The following MLLT1 variants were observed in gnomAD, a reference collection of about 807,000 sequenced individuals.
The protein encoded by MLLT1 is protein ENL.
In MLLT1, 11 loss-of-function variants were observed where a neutral mutation model predicts 55.1. The observed-to-expected ratio is 0.20, with a 90% CI of 0.13 to 0.33. MLLT1 has a LOEUF of 0.33. Ranked by LOEUF, MLLT1 falls within the 10% of genes least tolerant of loss-of-function variation. The pLI is 1.00. For missense variants in MLLT1, 536 were observed against 760.6 expected (o/e 0.70, Z 3.47); for synonymous variants, 323 against 320.1 (o/e 1.01, Z -0.10).
intron 1 of MLLT1, among the ~76,000 whole-genome samples, chr19:6,272,009 C>T (rs2091398919): frequency 6.6e-6 from 1 of 152,262 alleles, no homozygotes; most frequent in African/African-American, 2.4e-5. Context: ...CGGCTTCCCT[C>T]CCTCTCCGTC....
chr19:6,254,032 G>A (rs1474700166), intron 3 of MLLT1, among the ~76,000 whole-genome samples: 4 of 152,174 alleles, frequency 2.6e-5, no homozygotes, highest in Non-Finnish European at 5.9e-5. Flanking sequence ...TTCATGAGGT[G>A]TCTGCTGACT....
Position 6,262,185 on chromosome 19 carries a change from C to T in MLLT1, c.276+43G>A, listed in dbSNP as rs567652405. On this transcript the variant is annotated intron_variant, in intron 3 of 11. Transcript: ENST00000252674. The surrounding 1 kb of genome is among the most constrained non-coding windows in gnomAD (Gnocchi z 4.4). ...CTGCCGTGGCACCCGGAGCAGGGGTCCCCACAGAGAGGCATCCTGCTTGCT... is the reference window on the plus strand; with the variant it reads ...CTGCCGTGGCACCCGGAGCAGGGGTTCCCACAGAGAGGCATCCTGCTTGCT... The T allele has an allele frequency of 6.6e-7, 1 of 1,526,048 alleles. No individual in the cohort carries two copies. The highest frequency in any genetic ancestry group is 9.1e-7 in the Non-Finnish European group (1 of 1,100,610). 94.5% of individuals were successfully genotyped at this position (1,526,048 alleles called of 1,614,324 possible).
intron 3 of MLLT1, among the ~76,000 whole-genome samples, chr19:6,234,294 C>A (rs1033468935): frequency 6.6e-6 from 1 of 152,242 alleles, no homozygotes; most frequent in African/African-American, 2.4e-5. Flanking sequence ...CTTGGCCGCC[C>A]CTGCGGAGGG....
At chr19:6,233,642 A>C (rs2091033058) in intron 3 of MLLT1, among the ~76,000 whole-genome samples, 1 of 152,212 alleles carries the variant, frequency 6.6e-6, no homozygotes. Context: ...AAAACGCGAG[A>C]GGTGGTGCCT....
At position 6,220,385 on chromosome 19, in the gene MLLT1, A is replaced by T. The variant is rs913338506; in HGVS notation, c.1110+1736T>A. On this transcript the variant is annotated intron_variant, in intron 6 of 11. Transcript: ENST00000252674. ...CACAGACCTCGGGGCGCTAAGCCGC[A>T]TTGCTCAAAAGCCTCTCAGCACGCG... 8.5e-5 allele frequency among the ~76,000 whole-genome samples: 13 copies of T among 152,328 alleles called. 2 individuals carry two copies. The highest frequency in any genetic ancestry group is 1.9e-4 in the East Asian group (1 of 5,186).
intron 10 of MLLT1, 28 bp downstream of exon 10, chr19:6,213,698 C>T: frequency 6.9e-7 from 1 of 1,447,776 alleles, no homozygotes; most frequent in South Asian, 1.1e-5. Flanking sequence ...TCCGTAGCCT[C>T]CCCGCCTTGT....
At chr19:6,260,075 G>T (rs914159736) in intron 3 of MLLT1, among the ~76,000 whole-genome samples, 2 of 152,144 alleles carry the variant, frequency 1.3e-5, no homozygotes, top group Non-Finnish European at 2.9e-5. Context: ...GAGCTCTAGA[G>T]GAACATGGGG....
At chr19:6,250,225 C>T (rs2091201464) in intron 3 of MLLT1, among the ~76,000 whole-genome samples, 1 of 152,164 alleles carries the variant, frequency 6.6e-6, no homozygotes, top group African/African-American at 2.4e-5. Flanking sequence ...TTCACACCCA[C>T]AGGGATGGCT....
At chr19:6,247,165 A>T (rs2091176224) in intron 3 of MLLT1, among the ~76,000 whole-genome samples, 1 of 152,118 alleles carries the variant, frequency 6.6e-6, no homozygotes, top group Non-Finnish European at 1.5e-5. Flanking sequence ...ACACAGATAG[A>T]TACAGAACTA....
chr19:6,233,626 C>G (rs1053936404), intron 3 of MLLT1, among the ~76,000 whole-genome samples: 8 of 152,218 alleles, frequency 5.3e-5, no homozygotes, highest in African/African-American at 1.9e-4. Context: ...CTCTCTTTGT[C>G]CTGCCAAAAC....
At chr19:6,250,706 T>C (rs1329432124) in intron 3 of MLLT1, among the ~76,000 whole-genome samples, 1 of 152,154 alleles carries the variant, frequency 6.6e-6, no homozygotes. Context: ...GTTGGTTGAA[T>C]TCATGGATAC....
chr19:6,265,813 T>C (rs2091344489), intron 2 of MLLT1, among the ~76,000 whole-genome samples: 1 of 151,610 alleles, frequency 6.6e-6, no homozygotes, highest in Admixed American at 6.6e-5. Context: ...ACCCTGTCTC[T>C]ACTAAAAATA....
At chr19:6,251,537 G>A (rs1243208910) in intron 3 of MLLT1, among the ~76,000 whole-genome samples, 1 of 152,196 alleles carries the variant, frequency 6.6e-6, no homozygotes, top group African/African-American at 2.4e-5. Flanking sequence ...CTACAAAAAA[G>A]AAAGGAACAG....
At chr19:6,252,067 C>T (rs1470808782) in intron 3 of MLLT1, among the ~76,000 whole-genome samples, 1 of 152,210 alleles carries the variant, frequency 6.6e-6, no homozygotes, top group African/African-American at 2.4e-5. Flanking sequence ...GGAGGGAAGA[C>T]TCGCCCTCAG....
rs770746045 is a variant in MLLT1, at chr19:6,222,281, C to G, written c.950G>C (p.Arg317Pro). Residue 317 changes from arginine (R) to proline (P), a missense_variant, in exon 6 of 12, where the codon CGC becomes CCC. Around this residue, in one of 3 missense-constraint regions of MLLT1, gnomAD observed 449 missense variants for 489.0 expected, o/e 0.92. Transcript: ENST00000252674. This position sits in a 1 kb window ranked among gnomAD's most constrained non-coding sequence, Gnocchi z 4.1. ...GSRSAPGTSPRTSSSSSFSDK... is the reference protein window; with the variant it reads ...GSRSAPGTSPPTSSSSSFSDK... ...CGAGAAGGAGGAGGAGGAGGAGGTG[C>G]GGGGCGAGGTGCCTGGAGCACTCCG... The G allele has an allele frequency of 8.7e-6, 14 of 1,610,216 alleles. No individual in the cohort carries two copies. Among genetic ancestry groups the G allele is most frequent in the Non-Finnish European group, 1.2e-5 (14 of 1,178,678 alleles).
intron 1 of MLLT1, among the ~76,000 whole-genome samples, chr19:6,272,563 G>A (rs370225054): frequency 1.3e-5 from 2 of 152,192 alleles, no homozygotes; most frequent in African/African-American, 2.4e-5. Flanking sequence ...ACAGCTCCAC[G>A]GGAGCCCCTT....
rs1220364675 is a variant in MLLT1 at position 6,226,860 on chromosome 19, G to A, written c.546+117C>T. ...GTGCAGAGAGCTCAAAGAGGAAGAC[G>A]CCAAGGGAGCGAGCAGGTGCGGAAG... On this transcript the variant is annotated intron_variant, in intron 5 of 11. Coordinates refer to ENST00000252674, the MANE Select transcript of MLLT1 (RefSeq NM_005934.4). This position sits in a 1 kb window ranked among gnomAD's most constrained non-coding sequence, Gnocchi z 6.3. 6.5e-6 allele frequency: 5 copies of A among 768,034 alleles called. No individual in the cohort carries two copies. The highest frequency in any genetic ancestry group is 9.7e-6 in the Non-Finnish European group (5 of 517,550). The allele number at this position is 768,034 out of a possible 1,614,324, so 47.6% of individuals were successfully genotyped here. A position where few individuals can be genotyped will look rare whatever the true frequency, so the allele number is the denominator to read the frequency against.
chr19:6,246,302 T>G (rs2091168010), intron 3 of MLLT1, among the ~76,000 whole-genome samples: 1 of 152,108 alleles, frequency 6.6e-6, no homozygotes, highest in Non-Finnish European at 1.5e-5. Context: ...CCAAATGAAC[T>G]GAAAACGTGG....
At chr19:6,239,551 A>T (rs139164204) in intron 3 of MLLT1, among the ~76,000 whole-genome samples, 1 of 152,270 alleles carries the variant, frequency 6.6e-6, no homozygotes, top group African/African-American at 2.4e-5. Context: ...GCACACACGC[A>T]TGCGTACACA....
Sources: gnomAD v4.1 joint callset for allele counts (sites outside exome capture counted in the v4.1 genomes callset) on GRCh38, gnomAD v4.1.1 for gene constraint, gnomAD v4.1.1 regional missense constraint, Gnocchi (gnomAD v3.1) non-coding constraint, MANE v1.5 for transcripts, NCBI Gene and HGNC (gene_info 2026-07-23, HGNC 2026-07-21) for gene names.